The following PRELID2 variants were observed in gnomAD, a reference collection of about 807,000 sequenced individuals.
The protein encoded by PRELID2 is PRELI domain-containing protein 2.
In PRELID2, 25 loss-of-function variants were observed where a neutral mutation model predicts 28.4. The observed-to-expected ratio is 0.88, with a 90% CI of 0.64 to 1.23. PRELID2 has a LOEUF of 1.23. Among genes scored for constraint, PRELID2 ranks in the 50% most tolerant of loss-of-function variants. The pLI, the probability that PRELID2 is intolerant of heterozygous loss-of-function variation, is 0.00. For synonymous variants in PRELID2, 76 were observed against 71.6 expected (o/e 1.06, Z -0.31); for missense variants, 201 against 214.4 (o/e 0.94, Z 0.39).
chr5:145,501,057 A>T (rs1752356180), intron 1 of PRELID2, among the ~76,000 whole-genome samples: 1 of 152,166 alleles, frequency 6.6e-6, no homozygotes, highest in Non-Finnish European at 1.5e-5. Flanking sequence ...GGTGACGGAA[A>T]GGTAATTCCC....
intron 1 of PRELID2, among the ~76,000 whole-genome samples, chr5:145,585,965 G>A (rs1753150584): frequency 6.6e-6 from 1 of 152,026 alleles, no homozygotes; most frequent in African/African-American, 2.4e-5. Context: ...CCATAAATCC[G>A]TGCTCTTGAA....
At chr5:145,822,928 TACC>T in intron 2 of PRELID2, 146 bp downstream of exon 2, 1 of 557,408 alleles carries the variant, frequency 1.8e-6, no homozygotes, top group Non-Finnish European at 3.3e-6. Flanking sequence ...TACAGAAATA[TACC>T]TGTTTAAAAA....
the PRELID2 span, among the ~76,000 whole-genome samples, chr5:145,241,228 T>C: frequency 1.3e-5 from 2 of 152,012 alleles, no homozygotes; most frequent in African/African-American, 2.4e-5. Context: ...GACTGTAAGA[T>C]AAATTGATGT....
intron 1 of PRELID2, among the ~76,000 whole-genome samples, chr5:145,705,939 T>TACAC (rs61283424): frequency 0.3 from 44,048 of 145,384 alleles, 7,034 homozygotes; most frequent in East Asian, 0.51. Context: ...CATGTGCGCC[T>TACAC]ACACACACAC....
At chr5:145,412,636 A>G in the PRELID2 span, among the ~76,000 whole-genome samples, 1 of 151,964 alleles carries the variant, frequency 6.6e-6, no homozygotes, top group Non-Finnish European at 1.5e-5. Flanking sequence ...AACTGTTCCA[A>G]CCTCTGCCTG....
At chr5:145,438,332 C>T in the PRELID2 span, among the ~76,000 whole-genome samples, 1,164 of 152,148 alleles carry the variant, frequency 7.7e-3, 16 homozygotes, top group African/African-American at 0.027. Flanking sequence ...TCAAGCAAAA[C>T]TCTGTTTGAC....
At chr5:145,291,801 A>G in the PRELID2 span, among the ~76,000 whole-genome samples, 5 of 152,144 alleles carry the variant, frequency 3.3e-5, no homozygotes, top group Non-Finnish European at 2.9e-5. Context: ...TAATTTTTAC[A>G]TAAAGTATAA....
the PRELID2 span, among the ~76,000 whole-genome samples, chr5:145,367,972 T>C: frequency 6.6e-6 from 1 of 151,976 alleles, no homozygotes; most frequent in Middle Eastern, 3.2e-3. Context: ...TGCTTAATCA[T>C]ATGATACAAT....
At chr5:145,541,541 T>C (rs189746064) in intron 1 of PRELID2, among the ~76,000 whole-genome samples, 107 of 152,170 alleles carry the variant, frequency 7.0e-4, no homozygotes, top group African/African-American at 2.4e-3. Context: ...AATGATTCCA[T>C]GATGTTTTAT....
intron 1 of PRELID2, among the ~76,000 whole-genome samples, chr5:145,573,431 T>G (rs1753031929): frequency 6.6e-6 from 1 of 152,024 alleles, no homozygotes; most frequent in South Asian, 2.1e-4. Context: ...GCTGCACCTA[T>G]CAACCCGTCA....
intron 1 of PRELID2, among the ~76,000 whole-genome samples, chr5:145,651,745 C>T (rs1754301622): frequency 6.6e-6 from 1 of 152,174 alleles, no homozygotes; most frequent in African/African-American, 2.4e-5. Flanking sequence ...CACACCAAAA[C>T]CCCATCTGCA....
intron 1 of PRELID2, among the ~76,000 whole-genome samples, chr5:145,565,027 T>A (rs2126697282): frequency 6.6e-6 from 1 of 152,336 alleles, no homozygotes; most frequent in Middle Eastern, 3.4e-3. Context: ...GTACCTCAGT[T>A]GGAAATGCAG....
intron 1 of PRELID2, among the ~76,000 whole-genome samples, chr5:145,718,480 A>C (rs1025065643): frequency 6.6e-5 from 10 of 151,890 alleles, no homozygotes; most frequent in Admixed American, 1.3e-4. Context: ...TCAAGACATA[A>C]ATTTTCCGAT....
chr5:145,295,964 G>T, the PRELID2 span, among the ~76,000 whole-genome samples: 1 of 152,028 alleles, frequency 6.6e-6, no homozygotes, highest in Admixed American at 6.6e-5. Flanking sequence ...ACTTGGAAAA[G>T]AAATATAAGA....
At chr5:145,781,608 C>A (rs1330425637) in intron 5 of PRELID2, among the ~76,000 whole-genome samples, 2 of 146,204 alleles carry the variant, frequency 1.4e-5, no homozygotes. Flanking sequence ...TATCTATATA[C>A]ACACTATATA....
At chr5:145,293,400 A>G in the PRELID2 span, among the ~76,000 whole-genome samples, 2 of 152,176 alleles carry the variant, frequency 1.3e-5, no homozygotes, top group Admixed American at 1.3e-4. Context: ...CTTGGCATAA[A>G]TGTATGTTTT....
chr5:145,612,833 C>T (rs370150387), intron 1 of PRELID2, among the ~76,000 whole-genome samples: 16 of 152,232 alleles, frequency 1.1e-4, no homozygotes, highest in African/African-American at 3.9e-4. Flanking sequence ...TAAATACATA[C>T]CACAGTTTCT....
At chr5:145,663,065 G>T (rs1408667376) in intron 1 of PRELID2, among the ~76,000 whole-genome samples, 2 of 152,106 alleles carry the variant, frequency 1.3e-5, no homozygotes, top group African/African-American at 4.8e-5. Context: ...TTTCAGAAAT[G>T]GTCTTCAAAA....
chr5:145,785,396 G>A (rs1339682794), intron 5 of PRELID2, among the ~76,000 whole-genome samples: 1 of 152,146 alleles, frequency 6.6e-6, no homozygotes, highest in Non-Finnish European at 1.5e-5. Flanking sequence ...TTTTAGTTCA[G>A]AAGTTGATAT....
Sources: allele counts gnomAD v4.1 joint callset (sites outside exome capture counted in the v4.1 genomes callset), GRCh38; gene constraint gnomAD v4.1.1; transcripts MANE v1.5; gene names NCBI Gene and HGNC (gene_info 2026-07-23, HGNC 2026-07-21).